PPP2R2B: variants seen among roughly 807,000 people sequenced by gnomAD.
The protein encoded by PPP2R2B is serine/threonine-protein phosphatase 2A 55 kDa regulatory subunit B beta isoform.
In PPP2R2B, 5 loss-of-function variants were observed where a neutral mutation model predicts 46.0. That is an observed-to-expected ratio of 0.11 (90% CI 0.06 to 0.23). The LOEUF (loss-of-function observed/expected upper bound fraction) is 0.23, where lower values mean the gene tolerates loss of function less well. PPP2R2B is among the 10% of genes least tolerant of loss of function. The probability of loss-of-function intolerance (pLI) is 1.00; values close to 1 mark genes in which losing one functional copy is unlikely to be tolerated. For missense variants in PPP2R2B, 367 were observed against 575.0 expected, an observed-to-expected ratio of 0.64 and a Z score of 3.70; for synonymous variants, 215 against 206.7, an observed-to-expected ratio of 1.04 and a Z score of -0.34.
rs191910573 is a variant in PPP2R2B at position 147,051,855 on chromosome 5, C to T, written c.79+3810G>A. ...TCGGCTCACTGCAACCTCTGCCTCC[C>T]GGGTTCAAGCAATTCTCCTGCCTCA... On this transcript the variant is annotated intron_variant, in intron 1 of 8. Transcript: ENST00000336640. Among the ~76,000 whole-genome samples, 167 of 143,848 alleles carry T rather than the reference C, an allele frequency of 1.2e-3. 2 individuals are homozygous for T. Among genetic ancestry groups the T allele is most frequent in the Non-Finnish European group, 6.4e-4 (42 of 65,566 alleles). The allele number at this position is 143,848 out of a possible 152,430, so 94.4% of individuals were successfully genotyped here.
chr5:146,791,340 C>G (rs190304810), intron 2 of PPP2R2B, among the ~76,000 whole-genome samples: 1 of 152,216 alleles, frequency 6.6e-6, no homozygotes, highest in East Asian at 1.9e-4. Flanking sequence ...CAGTGTCGAT[C>G]CCCCCTTTTT....
At chr5:146,597,694 C>T (rs188485850) in intron 8 of PPP2R2B, among the ~76,000 whole-genome samples, 2 of 152,316 alleles carry the variant, frequency 1.3e-5, no homozygotes, top group East Asian at 3.9e-4. Context: ...AGCAACCCTA[C>T]CACCCTACAA....
intron 1 of PPP2R2B, among the ~76,000 whole-genome samples, chr5:146,948,361 C>G (rs908315538): frequency 1.3e-5 from 2 of 151,964 alleles, no homozygotes; most frequent in African/African-American, 4.8e-5. Flanking sequence ...ATGTTAATAC[C>G]TATTTGTCTT....
intron 1 of PPP2R2B, among the ~76,000 whole-genome samples, chr5:146,949,596 G>T (rs1019384267): frequency 1.3e-5 from 2 of 152,030 alleles, no homozygotes; most frequent in African/African-American, 4.8e-5. Context: ...CCACTAGGTA[G>T]AACAGTATGT....
chr5:147,077,311 C>CA (rs1757817531), intron 2 of PPP2R2B, among the ~76,000 whole-genome samples: 11 of 131,786 alleles, frequency 8.3e-5, no homozygotes, highest in African/African-American at 3.3e-4. Context: ...CACACACACA[C>CA]CCACACCCAC....
chr5:146,872,474 C>A (rs902183994), intron 2 of PPP2R2B, among the ~76,000 whole-genome samples: 1 of 152,154 alleles, frequency 6.6e-6, no homozygotes, highest in Non-Finnish European at 1.5e-5. Flanking sequence ...TGACACTACC[C>A]CCTTTTATTT....
chr5:146,708,062 A>G lies in PPP2R2B; in HGVS notation c.71-6920T>C, dbSNP rs117335763. On this transcript the variant is annotated intron_variant, in intron 2 of 9. Coordinates refer to ENST00000394411, the MANE Select transcript of PPP2R2B (RefSeq NM_181675.4). ...GCTTTAAAACTTTTTAAAAATTTAA[A>G]ATTTATATATAGGCTGGGCACGGTG... is the stretch of plus-strand genomic sequence containing the variant. Among the ~76,000 whole-genome samples, 201 of 152,310 alleles carry G rather than the reference A, an allele frequency of 1.3e-3. 2 individuals are homozygous for G. In the East Asian group the frequency reaches 0.031, roughly 24 times the overall value.
intron 5 of PPP2R2B, among the ~76,000 whole-genome samples, chr5:146,684,031 A>G (rs1043584137): frequency 6.6e-6 from 1 of 152,206 alleles, no homozygotes; most frequent in Non-Finnish European, 1.5e-5. Context: ...ACACATTCAC[A>G]AAGTTAATCT....
intron 1 of PPP2R2B, among the ~76,000 whole-genome samples, chr5:147,014,721 C>G (rs1754913377): frequency 8.3e-6 from 1 of 120,864 alleles, no homozygotes; most frequent in African/African-American, 3.3e-5. Context: ...GAATATCACA[C>G]TGGGGACTGT....
chr5:146,968,790 A>G (rs1319095390), intron 1 of PPP2R2B, among the ~76,000 whole-genome samples: 1 of 152,210 alleles, frequency 6.6e-6, no homozygotes, highest in Non-Finnish European at 1.5e-5. Context: ...CAAGCTACCA[A>G]TATTTTGCCA....
chr5:146,853,686 C>T (rs937921282), intron 2 of PPP2R2B, among the ~76,000 whole-genome samples: 1 of 151,876 alleles, frequency 6.6e-6, no homozygotes, highest in African/African-American at 2.4e-5. Context: ...TTTCCACCAG[C>T]AGCAGTATCC....
chr5:146,750,911 A>C (rs942737447), intron 2 of PPP2R2B, among the ~76,000 whole-genome samples: 1 of 152,102 alleles, frequency 6.6e-6, no homozygotes, highest in Non-Finnish European at 1.5e-5. Context: ...GAAGGTCCCC[A>C]CCCTCAGGGA....
At chr5:146,595,296 C>A (rs1771068157) in intron 8 of PPP2R2B, among the ~76,000 whole-genome samples, 1 of 152,176 alleles carries the variant, frequency 6.6e-6, no homozygotes, top group African/African-American at 2.4e-5. Flanking sequence ...CACTAGGGGG[C>A]ACAGCAGTAA....
intron 2 of PPP2R2B, among the ~76,000 whole-genome samples, chr5:146,836,765 T>C (rs897941466): frequency 1.3e-5 from 2 of 152,220 alleles, no homozygotes; most frequent in African/African-American, 4.8e-5. Context: ...GACATATTGA[T>C]TAGCTTTCTG....
rs187365000 is a variant in PPP2R2B, at chr5:146,779,494, G to A, written c.71-78352C>T. ...AAGCATATTAAATGACTGCCGGCCCGGTGATAAGGCCGGTTATTACCGAGG... is the reference window on the plus strand; with the variant it reads ...AAGCATATTAAATGACTGCCGGCCCAGTGATAAGGCCGGTTATTACCGAGG... On this transcript the variant is annotated intron_variant, in intron 2 of 9. Transcript: ENST00000394411. Among the ~76,000 whole-genome samples the A allele has an allele frequency of 1.1e-4, 16 of 152,256 alleles. No homozygotes were observed. The East Asian group carries it at 2.5e-3, about 24-fold the overall frequency.
intron 7 of PPP2R2B, among the ~76,000 whole-genome samples, chr5:146,636,384 T>A (rs962153661): frequency 5.3e-5 from 8 of 152,186 alleles, no homozygotes; most frequent in African/African-American, 1.7e-4. Context: ...TAAATTAAAG[T>A]GAAAATAGAT....
chr5:146,877,836 C>T (rs1761985959), intron 2 of PPP2R2B, among the ~76,000 whole-genome samples, 166 bp downstream of exon 2: 2 of 152,164 alleles, frequency 1.3e-5, no homozygotes, highest in South Asian at 4.1e-4. Context: ...TCGCGGAGCC[C>T]GGATGGATGC....
At chr5:146,947,047 C>T (rs1039070355) in intron 1 of PPP2R2B, among the ~76,000 whole-genome samples, 7 of 101,880 alleles carry the variant, frequency 6.9e-5, no homozygotes, top group African/African-American at 2.6e-4. Context: ...AGTTTCAGCC[C>T]CAAGGAACCA....
chr5:146,789,735 G>A (rs561731807), intron 2 of PPP2R2B, among the ~76,000 whole-genome samples: 74 of 152,142 alleles, frequency 4.9e-4, no homozygotes, highest in African/African-American at 1.8e-3. Flanking sequence ...ATAATGGATT[G>A]GATTTAATAT....
Sources: gnomAD v4.1 joint callset for allele counts (sites outside exome capture counted in the v4.1 genomes callset) on GRCh38, gnomAD v4.1.1 for gene constraint, MANE v1.5 for transcripts, NCBI Gene and HGNC (gene_info 2026-07-23, HGNC 2026-07-21) for gene names.